The following SGCD variants were observed in gnomAD, a reference collection of about 807,000 sequenced individuals.
The protein encoded by SGCD is delta-sarcoglycan.
In SGCD, 18 loss-of-function variants were observed where a neutral mutation model predicts 36.6. The observed-to-expected ratio is 0.49, with a 90% confidence interval of 0.34 to 0.73. SGCD has a LOEUF of 0.73. Among genes scored for constraint, SGCD ranks in the 30% least tolerant of loss-of-function variants. SGCD has a pLI of 0.01. For missense variants in SGCD, 387 were observed against 346.7 expected, an observed-to-expected ratio of 1.12 and a Z score of -0.92; for synonymous variants, 133 against 130.6, an observed-to-expected ratio of 1.02 and a Z score of -0.12.
At chr5:156,475,993 A>G (rs563808387) in intron 3 of SGCD, among the ~76,000 whole-genome samples, 8 of 152,312 alleles carry the variant, frequency 5.3e-5, no homozygotes, top group Non-Finnish European at 1.2e-4. Flanking sequence ...GGAGGGAGGC[A>G]ATTGTCTGCT....
At chr5:156,646,695 AT>A (rs1763238406) in intron 6 of SGCD, among the ~76,000 whole-genome samples, 1 of 152,196 alleles carries the variant, frequency 6.6e-6, no homozygotes, top group Non-Finnish European at 1.5e-5. Flanking sequence ...GCTAAGTTTA[AT>A]TGAAAAACTA....
chr5:156,697,349 G>A (rs1234508541), intron 7 of SGCD, among the ~76,000 whole-genome samples: 1 of 152,156 alleles, frequency 6.6e-6, no homozygotes, highest in East Asian at 1.9e-4. Context: ...TGTCTGAGGA[G>A]ATGGACAAGA....
At chr5:155,803,513 G>T in the SGCD span, among the ~76,000 whole-genome samples, 1 of 152,186 alleles carries the variant, frequency 6.6e-6, no homozygotes. Context: ...CCTCTTGCTG[G>T]ATAAGCCTAC....
At chr5:156,696,218 G>A (rs528534256) in intron 7 of SGCD, among the ~76,000 whole-genome samples, 6 of 152,258 alleles carry the variant, frequency 3.9e-5, no homozygotes, top group Non-Finnish European at 7.4e-5. Context: ...GTTTCCAACT[G>A]TGAAGCTAAG....
intron 3 of SGCD, among the ~76,000 whole-genome samples, chr5:156,385,417 A>G (rs1771222722): frequency 6.6e-6 from 1 of 152,244 alleles, no homozygotes; most frequent in Non-Finnish European, 1.5e-5. Context: ...TTAAATAAGA[A>G]ACAGGGTGGG....
intron 3 of SGCD, among the ~76,000 whole-genome samples, chr5:156,348,039 G>T: frequency 6.6e-6 from 1 of 152,154 alleles, no homozygotes. Context: ...TGCCCTGCAA[G>T]TTAAAAGCAT....
At chr5:156,640,844 C>T (rs1763001646) in intron 6 of SGCD, among the ~76,000 whole-genome samples, 1 of 152,110 alleles carries the variant, frequency 6.6e-6, no homozygotes, top group Admixed American at 6.5e-5. Flanking sequence ...AGATGTTTTG[C>T]ATTAGAAGTT....
intron 1 of SGCD, among the ~76,000 whole-genome samples, chr5:155,881,208 A>T (rs979049577): frequency 6.6e-6 from 1 of 152,082 alleles, no homozygotes; most frequent in Non-Finnish European, 1.5e-5. Flanking sequence ...TTTTAAAGAT[A>T]TAAGAAATAA....
the SGCD span, among the ~76,000 whole-genome samples, chr5:155,830,076 T>C: frequency 6.6e-6 from 1 of 152,150 alleles, no homozygotes; most frequent in Non-Finnish European, 1.5e-5. Context: ...GTCACTTCAT[T>C]GTAGGTGGTT....
intron 1 of SGCD, among the ~76,000 whole-genome samples, chr5:156,017,175 CT>C (rs1277674923): frequency 6.6e-6 from 1 of 152,088 alleles, no homozygotes; most frequent in East Asian, 1.9e-4. Flanking sequence ...CTAAAAATAT[CT>C]TTGTAAAGTG....
chr5:156,143,570 G>A (rs994039619), intron 3 of SGCD, among the ~76,000 whole-genome samples: 4 of 152,110 alleles, frequency 2.6e-5, no homozygotes, highest in Admixed American at 6.5e-5. Context: ...AATCTACAGG[G>A]GCAGGGCTGA....
At chr5:155,924,022 G>A (rs532888253) in intron 1 of SGCD, among the ~76,000 whole-genome samples, 1 of 152,310 alleles carries the variant, frequency 6.6e-6, no homozygotes, top group South Asian at 2.1e-4. Flanking sequence ...TGCAGGGAAA[G>A]AGCAAGGCAG....
intron 1 of SGCD, among the ~76,000 whole-genome samples, chr5:156,111,856 G>A (rs148088497): frequency 6.6e-6 from 1 of 151,586 alleles, no homozygotes; most frequent in African/African-American, 2.4e-5. Flanking sequence ...TCGGCTCACT[G>A]CAACCTCCGC....
intron 3 of SGCD, among the ~76,000 whole-genome samples, chr5:156,297,126 G>T (rs955534610): frequency 6.6e-6 from 1 of 151,890 alleles, no homozygotes; most frequent in Non-Finnish European, 1.5e-5. Flanking sequence ...GTCACCTCAA[G>T]AATTTATCAT....
chr5:156,423,099 AG>A lies in SGCD; in HGVS notation c.192+78423del, dbSNP rs201716039. 6.1e-3 allele frequency among the ~76,000 whole-genome samples: 879 copies of A among 143,178 alleles called. 6 individuals carry two copies. Among genetic ancestry groups the A allele is most frequent in the African/African-American group, 0.017 (657 of 38,716 alleles). The allele number at this position is 143,178 out of a possible 152,430, so 93.9% of individuals were successfully genotyped here. A position where few individuals can be genotyped will look rare whatever the true frequency, so the allele number is the denominator to read the frequency against. On this transcript the variant is annotated intron_variant, in intron 3 of 8. Transcript: ENST00000337851. ...TAAGCTCCATTTCACGAGGGTCATT[AG>A]AAACAACTGAAAAAGGAAATATTAA... is the stretch of plus-strand genomic sequence containing the variant.
chr5:156,437,707 C>T (rs1010484887), intron 3 of SGCD, among the ~76,000 whole-genome samples: 1 of 152,176 alleles, frequency 6.6e-6, no homozygotes, highest in African/African-American at 2.4e-5. Context: ...CACAATTTGA[C>T]TGCTGGATAC....
At chr5:155,823,457 T>C in the SGCD span, among the ~76,000 whole-genome samples, 79 of 152,112 alleles carry the variant, frequency 5.2e-4, 2 homozygotes, top group Non-Finnish European at 3.7e-4. Flanking sequence ...GCTCATTTCA[T>C]AGGAAAACAC....
chr5:156,296,136 C>T (rs370672592), intron 3 of SGCD, among the ~76,000 whole-genome samples: 1 of 152,116 alleles, frequency 6.6e-6, no homozygotes, highest in East Asian at 1.9e-4. Context: ...CTGTGGAGTC[C>T]CACTGTGACT....
intron 7 of SGCD, among the ~76,000 whole-genome samples, chr5:156,692,102 C>T (rs959660463): frequency 1.3e-5 from 2 of 152,134 alleles, no homozygotes; most frequent in African/African-American, 4.8e-5. Flanking sequence ...AACAAATTCC[C>T]ACATAAATCC....
Sources: gnomAD v4.1 joint callset for allele counts (sites outside exome capture counted in the v4.1 genomes callset) on GRCh38, gnomAD v4.1.1 for gene constraint, MANE v1.5 for transcripts, NCBI Gene and HGNC (gene_info 2026-07-23, HGNC 2026-07-21) for gene names.